FILIP1: variants seen among roughly 807,000 people sequenced by gnomAD.
FILIP1 encodes filamin A interacting protein 1, also known as filamin-A-interacting protein 1.
FILIP1 carries 61 observed loss-of-function variants against 102.1 expected under a neutral mutation model. The ratio of observed to expected loss-of-function variants is 0.60; its 90% CI spans 0.49 to 0.74. The LOEUF is 0.74. Among genes scored for constraint, FILIP1 ranks in the 30% least tolerant of loss-of-function variants. The probability of loss-of-function intolerance (pLI) is 0.00; values close to 1 mark genes in which losing one functional copy is unlikely to be tolerated. For missense variants in FILIP1, 1,314 were observed against 1,441.2 expected (o/e 0.91, Z 1.43); for synonymous variants, 491 against 526.9 (o/e 0.93, Z 0.93).
At chr6:75,328,487 TTTTGTTTG>T (rs68125703) in intron 4 of FILIP1, among the ~76,000 whole-genome samples, 2 of 151,198 alleles carry the variant, frequency 1.3e-5, no homozygotes, top group Non-Finnish European at 3.0e-5. Flanking sequence ...GTAATAATGT[TTTTGTTTG>T]TTTGTTTGTT....
rs565285769 is a variant in FILIP1 at position 75,465,329 on chromosome 6, A to C, written c.-7+28085T>G. On this transcript the variant is annotated intron_variant, in intron 1 of 5. Transcript: ENST00000237172. ...TGAAAACTGAATATACAGCCTTAAA[A>C]TAAAATGTGGACCTAAATAACCAGA... The C allele has an allele frequency of 2.6e-4, 106 of 401,640 alleles. 3 individuals are homozygous for C. In the South Asian group the frequency reaches 2.8e-3, roughly 11 times the overall value. 24.9% of individuals were successfully genotyped at this position (401,640 alleles called of 1,614,324 possible). A position where few individuals can be genotyped will look rare whatever the true frequency, so the allele number is the denominator to read the frequency against.
At chr6:75,485,968 AAC>A (rs529165652) in intron 1 of FILIP1, among the ~76,000 whole-genome samples, 1,994 of 145,152 alleles carry the variant, frequency 0.014, 51 homozygotes, top group East Asian at 0.12. Flanking sequence ...TTCTGACCAA[AAC>A]ACACACACAC....
chr6:75,468,617 G>A (rs187070097), intron 1 of FILIP1, among the ~76,000 whole-genome samples: 18 of 152,230 alleles, frequency 1.2e-4, no homozygotes, highest in Admixed American at 9.2e-4. Flanking sequence ...TAAAATAAAA[G>A]TTAGGAATTA....
intron 4 of FILIP1, among the ~76,000 whole-genome samples, chr6:75,317,721 C>T (rs1457006447): frequency 6.6e-6 from 1 of 152,170 alleles, no homozygotes; most frequent in Non-Finnish European, 1.5e-5. Context: ...CATTAGCTTA[C>T]TCTCCCTCCT....
intron 2 of FILIP1, among the ~76,000 whole-genome samples, chr6:75,368,078 C>A (rs1775398054): frequency 6.6e-6 from 1 of 152,190 alleles, no homozygotes; most frequent in South Asian, 2.1e-4. Context: ...GAGATTACAG[C>A]AGAGAAACAG....
chr6:75,366,620 G>A (rs147610511), intron 2 of FILIP1, among the ~76,000 whole-genome samples: 37 of 152,164 alleles, frequency 2.4e-4, no homozygotes, highest in Middle Eastern at 3.4e-3. Flanking sequence ...TATATAAGAC[G>A]CCTAACATAA....
At chr6:75,321,719 G>A (rs966369983) in intron 4 of FILIP1, among the ~76,000 whole-genome samples, 18 of 152,056 alleles carry the variant, frequency 1.2e-4, no homozygotes, top group African/African-American at 1.7e-4. Flanking sequence ...GCGTGAACCC[G>A]GGAAGCGGAG....
chr6:75,437,827 A>G (rs972922424), intron 1 of FILIP1, among the ~76,000 whole-genome samples: 1 of 152,218 alleles, frequency 6.6e-6, no homozygotes, highest in African/African-American at 2.4e-5. Context: ...GCTGGTAACT[A>G]GGCATTTCAA....
At chr6:75,493,268 A>G (rs2149791641) in intron 1 of FILIP1, 146 bp downstream of exon 1, 1 of 152,342 alleles carries the variant, frequency 6.6e-6, no homozygotes, top group South Asian at 2.1e-4. Context: ...ATAATTCACA[A>G]TGGTTATCGT....
intron 2 of FILIP1, among the ~76,000 whole-genome samples, chr6:75,400,747 A>G (rs1776628846): frequency 6.6e-6 from 1 of 152,124 alleles, no homozygotes; most frequent in South Asian, 2.1e-4. Context: ...GGTAGGAGAT[A>G]TGTTAGTATG....
At chr6:75,432,388 G>C (rs1308820954) in intron 1 of FILIP1, among the ~76,000 whole-genome samples, 1 of 152,192 alleles carries the variant, frequency 6.6e-6, no homozygotes. Flanking sequence ...AAAGGAAGGA[G>C]TTGTAGATGA....
chr6:75,479,452 A>G (rs10943248), intron 1 of FILIP1, among the ~76,000 whole-genome samples: 56,167 of 152,096 alleles, frequency 0.37, 12,136 homozygotes, highest in Non-Finnish European at 0.51. Flanking sequence ...TGTTGAAATA[A>G]TACATCTTCT....
chr6:75,414,731 A>T lies in FILIP1; in HGVS notation c.242T>A (p.Ile81Asn). Residue 81 changes from isoleucine to asparagine, a missense_variant, in exon 2 of 6, where the codon ATC (isoleucine) becomes AAC (asparagine). Ile to Asn is a moderately radical substitution (Grantham distance 149, BLOSUM62 -3). Transcript: ENST00000237172. ...CCCTTCCATTATACTGAGTAGTTGG[A>T]TGAGGTCTTCTTTGGATAACTCCAG... ...KSLELSKEDLIQLLSIMEGEL... is the reference protein window; with the variant it reads ...KSLELSKEDLNQLLSIMEGEL... The T allele has an allele frequency of 6.2e-7, 1 of 1,613,766 alleles. No individual in the cohort carries two copies. The highest frequency in any genetic ancestry group is 8.5e-7 in the Non-Finnish European group (1 of 1,179,754).
intron 1 of FILIP1, among the ~76,000 whole-genome samples, chr6:75,492,187 A>G: frequency 6.6e-6 from 1 of 152,360 alleles, no homozygotes; most frequent in Non-Finnish European, 1.5e-5. Flanking sequence ...AACATAACAC[A>G]TACTGAAATG....
At chr6:75,492,671 A>G (rs558159434) in intron 1 of FILIP1, among the ~76,000 whole-genome samples, 50 of 152,324 alleles carry the variant, frequency 3.3e-4, no homozygotes, top group African/African-American at 1.2e-3. Context: ...ATTCATACAC[A>G]CACACATGCA....
At chr6:75,372,738 GAAAGAAAGAAAGAAAGAAAGAAAGAA>G (rs1775604980) in intron 2 of FILIP1, among the ~76,000 whole-genome samples, 4 of 63,806 alleles carry the variant, frequency 6.3e-5, no homozygotes, top group South Asian at 6.0e-4. Flanking sequence ...GAGAAAGAAA[GAAAGAAAGAAAGAAAGAAAGAAAGAA>G]AGAAAGAAAG....
chr6:75,365,832 C>T (rs77279996), intron 2 of FILIP1, among the ~76,000 whole-genome samples: 2 of 152,168 alleles, frequency 1.3e-5, no homozygotes, highest in South Asian at 2.1e-4. Flanking sequence ...ATTCCTTATT[C>T]CCCAGAAATA....
chr6:75,443,572 C>G (rs1778345544), intron 1 of FILIP1, among the ~76,000 whole-genome samples: 1 of 152,018 alleles, frequency 6.6e-6, no homozygotes. Context: ...AACTGGTGAC[C>G]CATTGGCCAT....
intron 6 of FILIP1, among the ~76,000 whole-genome samples, chr6:75,296,353 G>C (rs940411991): frequency 6.7e-6 from 1 of 150,320 alleles, no homozygotes; most frequent in Non-Finnish European, 1.5e-5. Context: ...GTGTGTGTGT[G>C]TGTGTGTGTG....
Sources: gnomAD v4.1 joint callset for allele counts (sites outside exome capture counted in the v4.1 genomes callset) on GRCh38, gnomAD v4.1.1 for gene constraint, MANE v1.5 for transcripts, NCBI Gene and HGNC (gene_info 2026-07-23, HGNC 2026-07-21) for gene names.